The following EWSR1 variants were observed in gnomAD, a reference collection of about 807,000 sequenced individuals.
EWSR1 encodes EWS RNA binding protein 1, also known as RNA-binding protein EWS.
A neutral mutation model predicts 92.1 loss-of-function variants in EWSR1; 14 were observed. The ratio of observed to expected loss-of-function variants is 0.15; its 90% CI spans 0.10 to 0.24. The LOEUF (loss-of-function observed/expected upper bound fraction) is 0.24. Ranked by LOEUF, EWSR1 falls within the 10% of genes least tolerant of loss-of-function variation. The pLI, the probability that EWSR1 is intolerant of heterozygous loss-of-function variation, is 1.00. For missense variants in EWSR1, 637 were observed against 870.9 expected, an observed-to-expected ratio of 0.73 and a Z score of 3.38; for synonymous variants, 303 against 292.9, an observed-to-expected ratio of 1.03 and a Z score of -0.35.
intron 13 of EWSR1, among the ~76,000 whole-genome samples, chr22:29,298,469 T>C (rs1427786805): frequency 1.4e-5 from 2 of 147,750 alleles, no homozygotes; most frequent in African/African-American, 2.5e-5. Context: ...ATCGTGCCAC[T>C]GCACTCCAGC....
At chr22:29,299,904 C>T in intron 16 of EWSR1, 53 bp downstream of exon 16, 1 of 1,531,944 alleles carries the variant, frequency 6.5e-7, no homozygotes, top group Non-Finnish European at 8.8e-7. Context: ...AAGAGGACAG[C>T]CCTTCCCAGC....
chr22:29,290,520 G>A, intron 8 of EWSR1: 1 of 1,606,592 alleles, frequency 6.2e-7, no homozygotes, highest in Non-Finnish European at 8.5e-7. Context: ...TGTCCATATG[G>A]AGAGGAAAAA....
chr22:29,294,790 T>A (rs969266885), intron 11 of EWSR1, among the ~76,000 whole-genome samples: 1 of 151,282 alleles, frequency 6.6e-6, no homozygotes, highest in Non-Finnish European at 1.5e-5. Context: ...GACACGCGCC[T>A]GTAGTTGAGC....
At chr22:29,294,332 C>A (rs758139891) in intron 11 of EWSR1, among the ~76,000 whole-genome samples, 2 of 151,998 alleles carry the variant, frequency 1.3e-5, no homozygotes, top group Non-Finnish European at 2.9e-5. Flanking sequence ...TTTGGCCGGG[C>A]GCGGTAGCTC....
chr22:29,296,927 T>C (rs2060907505), intron 12 of EWSR1, among the ~76,000 whole-genome samples: 1 of 152,230 alleles, frequency 6.6e-6, no homozygotes, highest in East Asian at 1.9e-4. Context: ...CCTATACCTA[T>C]AGTACCAGCC....
chr22:29,282,582 C>A (rs757593978), intron 6 of EWSR1, 25 bp downstream of exon 6: 1 of 1,494,226 alleles, frequency 6.7e-7, no homozygotes, highest in South Asian at 1.4e-5. Context: ...TGTGGCAAAA[C>A]AAAAACAGTG....
At chr22:29,281,779 G>T (rs935052104) in intron 5 of EWSR1, among the ~76,000 whole-genome samples, 1 of 151,334 alleles carries the variant, frequency 6.6e-6, no homozygotes, top group African/African-American at 2.4e-5. Flanking sequence ...TAGAGACAGG[G>T]TTTCACTGTC....
intron 6 of EWSR1, among the ~76,000 whole-genome samples, chr22:29,286,041 A>G (rs770148282): frequency 6.6e-6 from 1 of 152,020 alleles, no homozygotes; most frequent in South Asian, 2.1e-4. Context: ...GGGTTTCACC[A>G]TGTTAGCCAG....
chr22:29,292,674 T>C (rs1338329829), intron 11 of EWSR1, 68 bp downstream of exon 11: 1 of 1,026,750 alleles, frequency 9.7e-7, no homozygotes, highest in South Asian at 1.5e-5. Context: ...AGAGATTGAA[T>C]TGATGTTGAG....
At chr22:29,274,637 T>C (rs555477648) in intron 4 of EWSR1, among the ~76,000 whole-genome samples, 1 of 152,348 alleles carries the variant, frequency 6.6e-6, no homozygotes, top group African/African-American at 2.4e-5. Flanking sequence ...CCACCCTGCA[T>C]GTATCATGTT....
chr22:29,282,831 C>T (rs1015526683), intron 6 of EWSR1, among the ~76,000 whole-genome samples: 3 of 150,800 alleles, frequency 2.0e-5, no homozygotes, highest in African/African-American at 4.9e-5. Context: ...GGCGCGATCT[C>T]GGCTCACTGC....
rs41311143 is a variant in EWSR1 at position 29,297,925 on chromosome 22, G to A, written c.1393G>A (p.Gly465Ser). 20,449 of 1,613,864 alleles carry A rather than the reference G, an allele frequency of 0.013. 166 individuals are homozygous for A. Among genetic ancestry groups the A allele is most frequent in the Non-Finnish European group, 0.015 (18,276 of 1,179,904 alleles). ...RGGLPPREGR[G>S]MPPPLRGGPG... is the part of the protein sequence containing the mutation. The stretch of plus-strand genomic sequence containing the variant: ...TGGTCTGCCACCCCGTGAGGGCAGA[G>A]GCATGCCACCACCACTCCGTGGAGG... The change falls in exon 13 of 17, where the codon GGC (glycine) becomes AGC (serine). Residue 465 changes from glycine to serine, a missense_variant. Physicochemically the swap from Gly to Ser is moderately conservative, Grantham distance 56. Around this residue, in one of 5 missense-constraint regions of EWSR1, gnomAD observed 363 missense variants for 447.8 expected, o/e 0.81. Transcript: ENST00000397938.
intron 13 of EWSR1, 27 bp downstream of exon 13, chr22:29,297,976 A>C: frequency 6.3e-7 from 1 of 1,599,836 alleles, no homozygotes; most frequent in Non-Finnish European, 8.5e-7. Context: ...CCTATGTTGC[A>C]TTAAAAGGTT....
Position 29,296,366 on chromosome 22 carries a change from A to G in EWSR1, c.1292A>G (p.Asp431Gly). ...PTAKAAVEWF[D>G]GKDFQGSKLK... ...GCCAAGGCTGCCGTGGAATGGTTTG[A>G]TGGTGAGATGTACTCACTGGCATTC... The change falls in exon 12 of 17, where the codon GAT becomes GGT. Residue 431 changes from aspartate to glycine, a missense_variant and splice_region_variant. This residue lies in a region of EWSR1 where 363 missense variants were observed against 447.8 expected (regional missense o/e 0.81). Coordinates refer to ENST00000397938, the MANE Select transcript of EWSR1 (RefSeq NM_005243.4). 1 of 1,614,020 alleles carries G rather than the reference A, an allele frequency of 6.2e-7. No homozygotes were observed.
chr22:29,280,072 T>G (rs918894184), intron 5 of EWSR1, among the ~76,000 whole-genome samples: 1 of 152,146 alleles, frequency 6.6e-6, no homozygotes, highest in Admixed American at 6.5e-5. Context: ...CTGGTTTTTC[T>G]GGGTTGGTTG....
chr22:29,282,659 G>C (rs190198023), intron 6 of EWSR1, 102 bp downstream of exon 6: 10 of 959,924 alleles, frequency 1.0e-5, no homozygotes, highest in Non-Finnish European at 1.5e-5. Context: ...TATGTTATCT[G>C]ACTGTCGCAG....
At chr22:29,294,434 G>A (rs573107196) in intron 11 of EWSR1, among the ~76,000 whole-genome samples, 15 of 150,632 alleles carry the variant, frequency 1.0e-4, no homozygotes, top group Admixed American at 9.3e-4. Flanking sequence ...ATGAAACCCC[G>A]TCTCTACTAT....
At chr22:29,291,983 A>G in intron 9 of EWSR1, 154 bp from the exon 10 acceptor site, 1 of 719,534 alleles carries the variant, frequency 1.4e-6, no homozygotes, top group Non-Finnish European at 2.4e-6. Context: ...CAAATGTTAA[A>G]GAGACACTGC....
chr22:29,282,683 G>T, intron 6 of EWSR1, 126 bp downstream of exon 6: 3 of 695,764 alleles, frequency 4.3e-6, no homozygotes, highest in Non-Finnish European at 6.5e-6. Context: ...TAAGTCATCT[G>T]ACCATACTTG....
Sources: gnomAD v4.1 joint callset for allele counts (sites outside exome capture counted in the v4.1 genomes callset) on GRCh38, gnomAD v4.1.1 for gene constraint, gnomAD v4.1.1 regional missense constraint, MANE v1.5 for transcripts, NCBI Gene and HGNC (gene_info 2026-07-23, HGNC 2026-07-21) for gene names.